ZNF711: variants seen among roughly 807,000 people sequenced by gnomAD.
ZNF711 encodes the protein ZFX family zinc finger ZNF711.
A neutral mutation model predicts 43.5 loss-of-function variants in ZNF711; 3 were observed. That is an observed-to-expected ratio of 0.07 (90% CI 0.03 to 0.18). ZNF711 has a LOEUF of 0.18. ZNF711 is among the 10% of genes least tolerant of loss of function. ZNF711 has a pLI of 1.00. For missense variants in ZNF711, 412 were observed against 604.0 expected, an observed-to-expected ratio of 0.68 and a Z score of 3.33; for synonymous variants, 209 against 207.7, an observed-to-expected ratio of 1.01 and a Z score of -0.06.
chrX:85,250,359 G>T (rs192237599), intron 4 of ZNF711, among the ~76,000 whole-genome samples: 6 of 111,144 alleles, frequency 5.4e-5, no homozygotes, highest in Non-Finnish European at 1.1e-4. Context: ...TAAGATTTTC[G>T]TTCACTATCC....
At chrX:85,258,002 C>A (rs768905412) in intron 5 of ZNF711, among the ~76,000 whole-genome samples, 1 of 112,648 alleles carries the variant, frequency 8.9e-6, no homozygotes, top group African/African-American at 3.2e-5. Context: ...AAAACTAGAT[C>A]TACTGTTTGA....
intron 4 of ZNF711, among the ~76,000 whole-genome samples, chrX:85,254,336 G>A (rs755211656): frequency 2.1e-5 from 2 of 93,201 alleles, no homozygotes; most frequent in East Asian, 6.5e-4. Flanking sequence ...CGGGCGCGGT[G>A]GCTCACGCCT....
Position 85,271,034 on chromosome X carries a change from G to C in ZNF711, c.1630G>C (p.Val544Leu). Residue 544 changes from valine to leucine, a missense_variant, in exon 11 of 11, where the codon GTT (valine) becomes CTT (leucine). By Grantham distance (32) the Val-to-Leu change is conservative (BLOSUM62 1). Transcript: ENST00000674551. Reference sequence around the variant, plus strand: ...ACTGTTAAACAGGCATTTGTTGGCCGTTCACAGCAAGAATTTTCCTCATGT... The same window carrying C: ...ACTGTTAAACAGGCATTTGTTGGCCCTTCACAGCAAGAATTTTCCTCATGT... ...QGLLNRHLLAVHSKNFPHVCV... is the reference protein window; with the variant it reads ...QGLLNRHLLALHSKNFPHVCV... 3 of 1,211,088 alleles carry C rather than the reference G, an allele frequency of 2.5e-6. No individual in the cohort carries two copies. Among genetic ancestry groups the C allele is most frequent in the Non-Finnish European group, 3.4e-6 (3 of 895,210 alleles).
intron 4 of ZNF711, among the ~76,000 whole-genome samples, chrX:85,254,801 CAA>C (rs376380248): frequency 5.6e-5 from 2 of 35,829 alleles, no homozygotes; most frequent in African/African-American, 8.1e-5. Context: ...GACTCCGTCT[CAA>C]AAAAAAAAAA....
At position 85,255,613 on chromosome X, in the gene ZNF711, T is replaced by C; in HGVS notation, c.434T>C (p.Val145Ala). Reference protein sequence around the residue: ...TGPNGHLEHVVQDCVSGVDSP... With the variant: ...TGPNGHLEHVAQDCVSGVDSP... ...CCTAATGGACACTTAGAACATGTGGTCCAAGATTGTGTTTCAGGAGTCGAC... is the reference window on the plus strand; with the variant it reads ...CCTAATGGACACTTAGAACATGTGGCCCAAGATTGTGTTTCAGGAGTCGAC... Residue 145 changes from valine to alanine, a missense_variant, in exon 5 of 11, where the codon GTC becomes GCC. Coordinates refer to ENST00000674551, the MANE Select transcript of ZNF711 (RefSeq NM_001330574.2). 1 of 1,211,744 alleles carries C rather than the reference T, an allele frequency of 8.3e-7. No homozygotes were observed. Among genetic ancestry groups the C allele is most frequent in the African/African-American group, 1.7e-5 (1 of 57,745 alleles).
chrX:85,265,272 A>G lies in ZNF711; in HGVS notation c.916+17A>G. The G allele has an allele frequency of 8.3e-7, 1 of 1,201,090 alleles. No individual in the cohort carries two copies. The highest frequency in any genetic ancestry group is 1.1e-6 in the Non-Finnish European group (1 of 887,472). On this transcript the variant is annotated intron_variant, in intron 7 of 10. Coordinates refer to ENST00000674551, the MANE Select transcript of ZNF711 (RefSeq NM_001330574.2). Reference sequence around the variant, plus strand: ...ATGATATCAGTAAGAAAATAAGGGCACTGTAGTGACTTATCAGTAGCCATC... The same window carrying G: ...ATGATATCAGTAAGAAAATAAGGGCGCTGTAGTGACTTATCAGTAGCCATC...
In ZNF711 at chrX:85,265,178, T is replaced by C; in HGVS notation, c.839T>C (p.Leu280Pro). Residue 280 changes from leucine to proline, a missense_variant, in exon 7 of 11, where the codon CTT becomes CCT. Around this residue, in one of 4 missense-constraint regions of ZNF711, gnomAD observed 375 missense variants for 514.2 expected, o/e 0.73. Transcript: ENST00000674551. ...YTSGHSVAGV[L>P]DQSRMQREKM... The stretch of plus-strand genomic sequence containing the variant: ...AGTGGACATTCAGTAGCTGGAGTGC[T>C]TGACCAGAGCCGAATGCAGCGGGAG... The C allele has an allele frequency of 2.5e-6, 3 of 1,209,125 alleles. No homozygotes were observed. The highest frequency in any genetic ancestry group is 1.8e-5 in the South Asian group (1 of 56,944).
intron 4 of ZNF711, among the ~76,000 whole-genome samples, chrX:85,251,819 T>C (rs1360171118): frequency 1.8e-5 from 2 of 110,256 alleles, no homozygotes; most frequent in Non-Finnish European, 3.8e-5. Flanking sequence ...CTAGGGTAAA[T>C]ATACTCTAAC....
At chrX:85,268,240 A>G (rs969512089) in intron 8 of ZNF711, 54 bp from the exon 9 acceptor site, 4 of 1,118,927 alleles carry the variant, frequency 3.6e-6, no homozygotes, top group Admixed American at 2.7e-5. Context: ...AGTAGTCATT[A>G]TAATTAGCAT....
rs1448800101 is a variant in ZNF711 at position 85,244,181 on chromosome X, TGCA to T, written c.-408_-406del. On this transcript the variant is annotated 5_prime_UTR_variant, in exon 1 of 11. Transcript: ENST00000674551. ...CGGCAGCGGCGGCGGCAGCTGTAGC[TGCA>T]GCAGCAGGTAAGGAGACTCCTGACG... is the stretch of plus-strand genomic sequence containing the variant. 1 of 149,228 alleles carries T rather than the reference TGCA, an allele frequency of 6.7e-6. No homozygotes were observed. Among genetic ancestry groups the T allele is most frequent in the Non-Finnish European group, 1.3e-5 (1 of 79,635 alleles). 12.3% of individuals were successfully genotyped at this position (149,228 alleles called of 1,213,427 possible). A position where few individuals can be genotyped will look rare whatever the true frequency, so the allele number is the denominator to read the frequency against.
chrX:85,263,679 T>C (rs1163037763), intron 5 of ZNF711, among the ~76,000 whole-genome samples: 1 of 110,504 alleles, frequency 9.0e-6, no homozygotes, highest in Admixed American at 9.7e-5. Flanking sequence ...TGTTTTATGT[T>C]CTTAATTTTT....
intron 5 of ZNF711, among the ~76,000 whole-genome samples, chrX:85,263,731 A>G (rs761162126): frequency 9.0e-6 from 1 of 110,574 alleles, no homozygotes; most frequent in East Asian, 2.8e-4. Flanking sequence ...TAAAATATTG[A>G]AAGTGATAGA....
intron 4 of ZNF711, among the ~76,000 whole-genome samples, chrX:85,252,783 A>C (rs1193295620): frequency 1.0e-5 from 1 of 98,105 alleles, no homozygotes; most frequent in Non-Finnish European, 2.0e-5. Flanking sequence ...GGTTTGGGTG[A>C]GAGTTTGAGC....
Position 85,273,008 on chromosome X carries a change from A to G in ZNF711, c.*1180A>G, listed in dbSNP as rs1379646117. 8.9e-6 allele frequency: 1 copy of G among 112,207 alleles called. No individual in the cohort carries two copies. Among genetic ancestry groups the G allele is most frequent in the East Asian group, 2.8e-4 (1 of 3,547 alleles). The allele number at this position is 112,207 out of a possible 1,213,427, so 9.2% of individuals were successfully genotyped here. A position where few individuals can be genotyped will look rare whatever the true frequency, so the allele number is the denominator to read the frequency against. On this transcript the variant is annotated 3_prime_UTR_variant, in exon 11 of 11. Transcript: ENST00000674551. Reference sequence around the variant, plus strand: ...GGGAAATTTTATGAAAATCCTGTTCATAAATGTAATGCATATGATATGTAC... The same window carrying G: ...GGGAAATTTTATGAAAATCCTGTTCGTAAATGTAATGCATATGATATGTAC...
intron 5 of ZNF711, 129 bp from the exon 6 acceptor site, chrX:85,264,146 G>A: frequency 1.9e-6 from 1 of 516,717 alleles, no homozygotes; most frequent in Non-Finnish European, 3.3e-6. Flanking sequence ...AATACAGTGG[G>A]TAGGTGGTTA....
chrX:85,272,151 T>C lies in ZNF711; in HGVS notation c.*323T>C. ...TTTGGCTGATTATGTTAGATACAAA[T>C]GTTTCTGAGAAGAGAATACATAATT... On this transcript the variant is annotated 3_prime_UTR_variant, in exon 11 of 11. Transcript: ENST00000674551. 1 of 206,926 alleles carries C rather than the reference T, an allele frequency of 4.8e-6. No individual in the cohort carries two copies. The allele number at this position is 206,926 out of a possible 1,213,427, so 17.1% of individuals were successfully genotyped here. A position where few individuals can be genotyped will look rare whatever the true frequency, so the allele number is the denominator to read the frequency against.
chrX:85,255,430 C>G lies in ZNF711; in HGVS notation c.251C>G (p.Thr84Arg). The part of the protein sequence containing the change: ...PDIITETDVV[T>R]EGVIVPEAVL... ...ATCATCACAGAGACTGATGTAGTAA[C>G]AGAAGGTGTGATTGTTCCTGAAGCG... Residue 84 changes from threonine to arginine, a missense_variant, in exon 5 of 11, where the codon ACA becomes AGA. Thr to Arg is a moderately conservative substitution (Grantham distance 71). Transcript: ENST00000674551. 1 of 1,211,504 alleles carries G rather than the reference C, an allele frequency of 8.3e-7. No individual in the cohort carries two copies. Among genetic ancestry groups the G allele is most frequent in the Non-Finnish European group, 1.1e-6 (1 of 895,509 alleles).
intron 2 of ZNF711, among the ~76,000 whole-genome samples, chrX:85,246,636 T>C (rs754148198): frequency 8.0e-5 from 9 of 112,458 alleles, no homozygotes; most frequent in African/African-American, 2.6e-4. Flanking sequence ...AGGTTTTTGT[T>C]GATTTACTTA....
At chrX:85,269,534 C>G (rs1931392521) in intron 9 of ZNF711, among the ~76,000 whole-genome samples, 1 of 108,460 alleles carries the variant, frequency 9.2e-6, no homozygotes, top group Admixed American at 9.9e-5. Flanking sequence ...GTGCATGCCA[C>G]CATGCCTGAC....
Sources: allele counts gnomAD v4.1 joint callset (sites outside exome capture counted in the v4.1 genomes callset), GRCh38; gene constraint gnomAD v4.1.1; regional missense constraint gnomAD v4.1.1; transcripts MANE v1.5; gene names NCBI Gene and HGNC (gene_info 2026-07-23, HGNC 2026-07-21).